Variants in DNTTIP1 observed in about 807,000 individuals in gnomAD.
DNTTIP1 encodes the protein deoxynucleotidyltransferase terminal interacting protein 1.
Under a neutral mutation model 52.9 loss-of-function variants are expected in DNTTIP1, and 22 were observed. The observed-to-expected ratio is 0.42, with a 90% CI of 0.30 to 0.59. DNTTIP1 has a LOEUF of 0.59. Ranked by LOEUF, DNTTIP1 falls within the 20% of genes least tolerant of loss-of-function variation. The pLI, the probability that DNTTIP1 is intolerant of heterozygous loss-of-function variation, is 0.22. For synonymous variants in DNTTIP1, 136 were observed against 155.1 expected (o/e 0.88, Z 0.92); for missense variants, 286 against 435.5 (o/e 0.66, Z 3.06).
chr20:45,801,309 A>G (rs1412917761), intron 5 of DNTTIP1, 93 bp from the exon 6 acceptor site: 1 of 1,480,280 alleles, frequency 6.8e-7, no homozygotes, highest in South Asian at 1.1e-5. Context: ...GCGGGGCTGG[A>G]GAGCTGTAGT....
Position 45,792,575 on chromosome 20 carries a change from G to A in DNTTIP1, c.106-102G>A, listed in dbSNP as rs112478988. The A allele has an allele frequency of 7.7e-4, 678 of 876,814 alleles. 8 individuals are homozygous for A. In the African/African-American group the frequency reaches 0.011, roughly 14 times the overall value. The allele number at this position is 876,814 out of a possible 1,614,324, so 54.3% of individuals were successfully genotyped here. A position where few individuals can be genotyped will look rare whatever the true frequency, so the allele number is the denominator to read the frequency against. ...AGGCGGGAGAGATGGTGACGGATCT[G>A]AGAAGCAGGGATGTCCAGGTTTAAC... On this transcript the variant is annotated intron_variant, in intron 1 of 12. Coordinates refer to ENST00000372622, the MANE Select transcript of DNTTIP1 (RefSeq NM_052951.3).
chr20:45,800,679 TAAAAAAAA>T (rs144859982), intron 4 of DNTTIP1, among the ~76,000 whole-genome samples: 14 of 14,684 alleles, frequency 9.5e-4, no homozygotes, highest in African/African-American at 3.3e-3. Context: ...CATCTCAATT[TAAAAAAAA>T]AAAAAAAATA....
rs1035760193 is a variant in DNTTIP1 at position 45,792,124 on chromosome 20, G to C, written c.105+15G>C. On this transcript the variant is annotated intron_variant, in intron 1 of 12. Coordinates refer to ENST00000372622, the MANE Select transcript of DNTTIP1 (RefSeq NM_052951.3). ...TGGTTCTTACGGTGAGGGCGCCCCCGGTGAGGTCTGGGCTCAGGCCGGGCA... is the reference window on the plus strand; with the variant it reads ...TGGTTCTTACGGTGAGGGCGCCCCCCGTGAGGTCTGGGCTCAGGCCGGGCA... 8.0e-7 allele frequency: 1 copy of C among 1,255,558 alleles called. No individual in the cohort carries two copies. 77.8% of individuals were successfully genotyped at this position (1,255,558 alleles called of 1,614,324 possible).
intron 4 of DNTTIP1, among the ~76,000 whole-genome samples, chr20:45,800,134 A>G (rs1459872706): frequency 6.6e-6 from 1 of 151,978 alleles, no homozygotes; most frequent in African/African-American, 2.4e-5. Context: ...AAAAAAAGAA[A>G]AAAGAAAAAC....
At chr20:45,801,010 A>G in intron 4 of DNTTIP1, 64 bp from the exon 5 acceptor site, 2 of 1,360,718 alleles carry the variant, frequency 1.5e-6, no homozygotes, top group East Asian at 4.6e-5. Context: ...AAAAAAAGGA[A>G]GTAGGTAGGG....
chr20:45,792,417 CAG>C, intron 1 of DNTTIP1: 1 of 466,892 alleles, frequency 2.1e-6, no homozygotes, highest in South Asian at 4.1e-5. Context: ...TCACCTGACA[CAG>C]AGTTGACCCT....
intron 3 of DNTTIP1, among the ~76,000 whole-genome samples, chr20:45,794,871 C>T (rs886635331): frequency 9.3e-5 from 14 of 150,048 alleles, no homozygotes; most frequent in African/African-American, 3.4e-4. Context: ...ACGGTCTTGG[C>T]TCACTGCAAC....
intron 10 of DNTTIP1, among the ~76,000 whole-genome samples, chr20:45,807,424 C>A (rs1246333320): frequency 1.3e-5 from 2 of 152,012 alleles, no homozygotes; most frequent in Non-Finnish European, 2.9e-5. Context: ...CCTGGCCCAA[C>A]TTTACAAATT....
intron 3 of DNTTIP1, among the ~76,000 whole-genome samples, 188 bp from the exon 4 acceptor site, chr20:45,795,157 G>A (rs556672808): frequency 7.9e-5 from 12 of 152,264 alleles, no homozygotes; most frequent in Non-Finnish European, 1.6e-4. Context: ...ATATCCGTAA[G>A]AGGGGGAATA....
chr20:45,800,681 A>AAAAAAG (rs1981400884), intron 4 of DNTTIP1, among the ~76,000 whole-genome samples: 1 of 11,514 alleles, frequency 8.7e-5, no homozygotes, highest in African/African-American at 2.1e-4. Flanking sequence ...TCTCAATTTA[A>AAAAAAG]AAAAAAAAAA....
chr20:45,801,702 C>T (rs990329979), intron 6 of DNTTIP1, among the ~76,000 whole-genome samples: 1 of 152,166 alleles, frequency 6.6e-6, no homozygotes, highest in Non-Finnish European at 1.5e-5. Context: ...GTGGGAGGAT[C>T]ACCTGAGCCC....
At chr20:45,801,628 TA>T (rs886376782) in intron 6 of DNTTIP1, among the ~76,000 whole-genome samples, 170 bp downstream of exon 6, 2 of 149,202 alleles carry the variant, frequency 1.3e-5, no homozygotes, top group Non-Finnish European at 3.0e-5. Context: ...GTCTCTAAAA[TA>T]AAAAAAAAAT....
chr20:45,806,871 T>C (rs1422960620), intron 10 of DNTTIP1, among the ~76,000 whole-genome samples: 1 of 152,198 alleles, frequency 6.6e-6, no homozygotes, highest in Non-Finnish European at 1.5e-5. Context: ...AAGATCCACC[T>C]CCTCCAAGAG....
intron 2 of DNTTIP1, among the ~76,000 whole-genome samples, chr20:45,793,497 C>T (rs899719087): frequency 7.2e-5 from 11 of 152,000 alleles, no homozygotes; most frequent in African/African-American, 2.4e-4. Context: ...GTTGGGAGTT[C>T]GAGACCAGCC....
chr20:45,795,363 C>G lies in DNTTIP1; in HGVS notation c.292C>G (p.Leu98Val), dbSNP rs777664961. The change falls in exon 4 of 13, where the codon CTG becomes GTG. Residue 98 changes from leucine to valine, a missense_variant. By Grantham distance (32) the Leu-to-Val change is conservative. Transcript: ENST00000372622. ...KYMKFFQKAA[L>V]NVRDNVGEEV... ...CCCCTAGTTCTTCCAGAAGGCAGCACTGAACGTGCGAGACAATGTTGGGGA... is the reference window on the plus strand; with the variant it reads ...CCCCTAGTTCTTCCAGAAGGCAGCAGTGAACGTGCGAGACAATGTTGGGGA... The G allele has an allele frequency of 1.2e-6, 2 of 1,610,298 alleles. No individual in the cohort carries two copies.
chr20:45,798,133 C>T (rs994080568), intron 4 of DNTTIP1, among the ~76,000 whole-genome samples: 9 of 152,082 alleles, frequency 5.9e-5, no homozygotes, highest in Non-Finnish European at 1.2e-4. Flanking sequence ...ACATATATAC[C>T]ATGGAATACT....
At chr20:45,796,530 C>G (rs938588216) in intron 4 of DNTTIP1, 2 of 471,040 alleles carry the variant, frequency 4.2e-6, no homozygotes, top group Non-Finnish European at 4.4e-6. Context: ...CTCCCTGCCT[C>G]TCTGGTGTGG....
chr20:45,793,934 G>A lies in DNTTIP1; in HGVS notation c.190G>A (p.Ala64Thr). 6.3e-7 allele frequency: 1 copy of A among 1,591,930 alleles called. No homozygotes were observed. Among genetic ancestry groups the A allele is most frequent in the South Asian group, 1.2e-5 (1 of 85,964 alleles). Residue 64 changes from alanine to threonine, a missense_variant, in exon 3 of 13, where the codon GCC (alanine) becomes ACC (threonine). Transcript: ENST00000372622. ...TCCTGAATGCAGTTTCACAGATCCTGCCATCTCCATGGATCTCCTCCGAGC... is the reference window on the plus strand; with the variant it reads ...TCCTGAATGCAGTTTCACAGATCCTACCATCTCCATGGATCTCCTCCGAGC... ...SQMTTSFTDP[A>T]ISMDLLRAVL...
intron 1 of DNTTIP1, 138 bp from the exon 2 acceptor site, chr20:45,792,539 G>A: frequency 7.6e-6 from 5 of 660,052 alleles, no homozygotes; most frequent in Non-Finnish European, 1.3e-5. Context: ...TACAACTATC[G>A]TCCCACCCCA....
Sources: gnomAD v4.1 joint callset for allele counts (sites outside exome capture counted in the v4.1 genomes callset) on GRCh38, gnomAD v4.1.1 for gene constraint, MANE v1.5 for transcripts, NCBI Gene and HGNC (gene_info 2026-07-23, HGNC 2026-07-21) for gene names.